The following SETD1B variants were observed in gnomAD, a reference collection of about 807,000 sequenced individuals.
The protein encoded by SETD1B is SET domain containing 1B, histone lysine methyltransferase, also known as histone-lysine N-methyltransferase SETD1B.
SETD1B carries 7 observed loss-of-function variants against 148.0 expected under a neutral mutation model. The observed-to-expected ratio is 0.05, with a 90% CI of 0.03 to 0.09. The LOEUF is 0.09. Ranked by LOEUF, SETD1B falls within the 10% of genes least tolerant of loss-of-function variation. The pLI is 1.00. For missense variants in SETD1B, 2,155 were observed against 2,729.9 expected (o/e 0.79, Z 4.69); for synonymous variants, 1,361 against 1,186.5 (o/e 1.15, Z -3.02).
the SETD1B span, chr12:121,794,282 C>T: frequency 1.3e-5 from 2 of 152,302 alleles, no homozygotes; most frequent in African/African-American, 4.8e-5. Context: ...GGGTGAGGGA[C>T]TGGGCTCCGC....
chr12:121,815,041 C>A, intron 7 of SETD1B, 111 bp downstream of exon 7: 1 of 1,011,404 alleles, frequency 9.9e-7, no homozygotes, highest in Non-Finnish European at 1.4e-6. Flanking sequence ...GCCGTGGACC[C>A]CACTATGGGA....
chr12:121,803,684 C>G (rs968006273), upstream of SETD1B: 1 of 152,154 alleles, frequency 6.6e-6, no homozygotes, highest in African/African-American at 2.4e-5. This position sits in a 1 kb window ranked among gnomAD's most constrained non-coding sequence, Gnocchi z 4.7. Context: ...AGGCCCGGGA[C>G]GCACGCCGCG....
chr12:121,796,774 G>A, the SETD1B span, among the ~76,000 whole-genome samples: 13 of 152,214 alleles, frequency 8.5e-5, no homozygotes, highest in Non-Finnish European at 2.9e-5. Context: ...AGGCGCGGTG[G>A]CTCATGCCTG....
At chr12:121,799,347 A>C (rs1875179893), upstream of SETD1B, 1 of 152,256 alleles carries the variant, frequency 6.6e-6, no homozygotes, top group Non-Finnish European at 1.5e-5. Context: ...AAGGTGGAGA[A>C]GCGTCAAGGA....
intron 5 of SETD1B, 40 bp from the exon 6 acceptor site, chr12:121,809,563 T>A: frequency 6.7e-7 from 1 of 1,500,884 alleles, no homozygotes. Context: ...TTCCATTGCA[T>A]GTTTTCCCCC....
At chr12:121,795,513 G>A in the SETD1B span, 2 of 152,308 alleles carry the variant, frequency 1.3e-5, no homozygotes, top group African/African-American at 2.4e-5. Context: ...GCTGGGCCAT[G>A]AGAGGGGAGG....
chr12:121,817,109 G>T lies in SETD1B; in HGVS notation c.2792G>T (p.Cys931Phe). The change falls in exon 8 of 17, where the codon TGC (cysteine) becomes TTC (phenylalanine). Residue 931 changes from cysteine (C) to phenylalanine (F), a missense_variant. Transcript: ENST00000604567. The surrounding 1 kb of genome is among the most constrained non-coding windows in gnomAD (Gnocchi z 8.1). ...RPKPKDRIAS[C>F]LLESWGKGEG... ...AAGCCCAAGGACCGCATCGCCTCGTGCCTGCTGGAGTCATGGGGCAAGGGC... is the reference window on the plus strand; with the variant it reads ...AAGCCCAAGGACCGCATCGCCTCGTTCCTGCTGGAGTCATGGGGCAAGGGC... 6.5e-7 allele frequency: 1 copy of T among 1,549,066 alleles called. No homozygotes were observed. Among genetic ancestry groups the T allele is most frequent in the Non-Finnish European group, 8.7e-7 (1 of 1,146,844 alleles).
intron 6 of SETD1B, among the ~76,000 whole-genome samples, chr12:121,813,221 T>TA (rs1270015843): frequency 7.2e-5 from 11 of 152,130 alleles, no homozygotes; most frequent in Non-Finnish European, 1.3e-4. Context: ...ATCTTTCGGA[T>TA]AAAAAATGAG....
chr12:121,823,980 A>C lies in SETD1B; in HGVS notation c.5170+231A>C, dbSNP rs1339827731. On this transcript the variant is annotated intron_variant, in intron 12 of 16. Transcript: ENST00000604567. ...TCTGCGCCAGGCCCATCTCACCCCC[A>C]GAGTTAGCAGGTCTCAGGGTCACAT... Among the ~76,000 whole-genome samples the C allele has an allele frequency of 2.6e-5, 4 of 152,310 alleles. No individual in the cohort carries two copies. In the East Asian group the frequency reaches 5.8e-4, roughly 22 times the overall value.
the SETD1B span, chr12:121,793,013 T>C: frequency 1.4e-6 from 1 of 711,284 alleles, no homozygotes. Flanking sequence ...CCAGCGCCCC[T>C]GAGCGGCCTC....
chr12:121,794,841 T>A, the SETD1B span, among the ~76,000 whole-genome samples: 174 of 152,220 alleles, frequency 1.1e-3, no homozygotes, highest in Non-Finnish European at 2.0e-3. Flanking sequence ...AGTGGGATCC[T>A]ACCAGCTGGG....
chr12:121,822,556 C>T lies in SETD1B; in HGVS notation c.3977C>T (p.Pro1326Leu), dbSNP rs374833102. Reference protein sequence around the residue: ...MLPLPLQPPLPPPRPPRPPSP... With the variant: ...MLPLPLQPPLLPPRPPRPPSP... ...CCCTTGCCGCTGCAACCACCATTGC[C>T]GCCCCCACGACCACCCCGGCCACCC... Residue 1326 changes from proline (P) to leucine (L), a missense_variant, in exon 12 of 17, where the codon CCG becomes CTG. By Grantham distance (98) the Pro-to-Leu change is moderately conservative. Transcript: ENST00000604567. 1.0e-5 allele frequency: 16 copies of T among 1,550,956 alleles called. No homozygotes were observed. The highest frequency in any genetic ancestry group is 2.4e-5 in the East Asian group (1 of 40,930).
At chr12:121,813,593 ATG>A (rs996938717) in intron 6 of SETD1B, among the ~76,000 whole-genome samples, 4 of 152,216 alleles carry the variant, frequency 2.6e-5, no homozygotes, top group Non-Finnish European at 5.9e-5. Flanking sequence ...GAGTTAATAA[ATG>A]TGGAGCGTTT....
rs969074891 is a variant in SETD1B at position 121,830,443 on chromosome 12, T to C, written c.*204T>C. On this transcript the variant is annotated 3_prime_UTR_variant, in exon 17 of 17. Transcript: ENST00000604567. This position sits in a 1 kb window ranked among gnomAD's most constrained non-coding sequence, Gnocchi z 5.7. Reference sequence around the variant, plus strand: ...TCCGCGGGAAAGGGCTTCTCTGTCGTTCAGCCCACGTCTCTCTCATTTTAA... The same window carrying C: ...TCCGCGGGAAAGGGCTTCTCTGTCGCTCAGCCCACGTCTCTCTCATTTTAA... 3.6e-4 allele frequency: 191 copies of C among 537,604 alleles called. No individual in the cohort carries two copies. The highest frequency in any genetic ancestry group is 5.6e-4 in the Non-Finnish European group (168 of 301,466). The allele number at this position is 537,604 out of a possible 1,614,324, so 33.3% of individuals were successfully genotyped here.
rs551371373 is a variant in SETD1B at position 121,830,287 on chromosome 12, C to T, written c.*48C>T. 1,592 of 1,515,992 alleles carry T rather than the reference C, an allele frequency of 1.1e-3. 1 individual carries two copies. Among genetic ancestry groups the T allele is most frequent in the Non-Finnish European group, 1.3e-3 (1,468 of 1,126,656 alleles). 93.9% of individuals were successfully genotyped at this position (1,515,992 alleles called of 1,614,324 possible). A position where few individuals can be genotyped will look rare whatever the true frequency, so the allele number is the denominator to read the frequency against. On this transcript the variant is annotated 3_prime_UTR_variant, in exon 17 of 17. Coordinates refer to ENST00000604567, the MANE Select transcript of SETD1B (RefSeq NM_001353345.2). The surrounding 1 kb of genome is among the most constrained non-coding windows in gnomAD (Gnocchi z 5.7). The stretch of plus-strand genomic sequence containing the variant: ...ATGTCAGCCGTAGCCCTGGGACTCC[C>T]GAGCGTGGAGCCCCTGGCCCCGGGG...
Position 121,830,459 on chromosome 12 carries a change from C to G in SETD1B, c.*220C>G. On this transcript the variant is annotated 3_prime_UTR_variant, in exon 17 of 17. Coordinates refer to ENST00000604567, the MANE Select transcript of SETD1B (RefSeq NM_001353345.2). This position sits in a 1 kb window ranked among gnomAD's most constrained non-coding sequence, Gnocchi z 5.7. ...TCTCTGTCGTTCAGCCCACGTCTCT[C>G]TCATTTTAACAAACGCCCCTTTCAG... 2.1e-6 allele frequency: 1 copy of G among 477,614 alleles called. No individual in the cohort carries two copies. The highest frequency in any genetic ancestry group is 3.7e-6 in the Non-Finnish European group (1 of 267,820). The allele number at this position is 477,614 out of a possible 1,614,324, so 29.6% of individuals were successfully genotyped here.
At chr12:121,806,372 AC>A (rs1875741555) in intron 4 of SETD1B, among the ~76,000 whole-genome samples, 1 of 151,572 alleles carries the variant, frequency 6.6e-6, no homozygotes, top group South Asian at 2.1e-4. Context: ...CACCGCTGAC[AC>A]CCCCGCGGGC....
intron 13 of SETD1B, 92 bp from the exon 14 acceptor site, chr12:121,827,427 A>G: frequency 7.0e-7 from 1 of 1,425,076 alleles, no homozygotes; most frequent in East Asian, 2.5e-5. Flanking sequence ...CAAGGAGCCC[A>G]GGACACTGGG....
In SETD1B at chr12:121,817,844, G is replaced by A. The variant is rs993861851; in HGVS notation, c.3358G>A (p.Asp1120Asn). ...DSDDRDESEN[D>N]DEDTALSEAS... Reference sequence around the variant, plus strand: ...TGATGACCGGGACGAGTCTGAGAACGATGACGAGGACACAGCCCTGTCAGA... The same window carrying A: ...TGATGACCGGGACGAGTCTGAGAACAATGACGAGGACACAGCCCTGTCAGA... Residue 1120 changes from aspartate to asparagine, a missense_variant, in exon 10 of 17, where the codon GAT (aspartate) becomes AAT (asparagine). Transcript: ENST00000604567. This position sits in a 1 kb window ranked among gnomAD's most constrained non-coding sequence, Gnocchi z 8.1. The A allele has an allele frequency of 5.2e-6, 8 of 1,551,110 alleles. No homozygotes were observed. Among genetic ancestry groups the A allele is most frequent in the African/African-American group, 1.4e-5 (1 of 73,054 alleles).
Sources: gnomAD v4.1 joint callset for allele counts (sites outside exome capture counted in the v4.1 genomes callset) on GRCh38, gnomAD v4.1.1 for gene constraint, Gnocchi (gnomAD v3.1) non-coding constraint, MANE v1.5 for transcripts, NCBI Gene and HGNC (gene_info 2026-07-23, HGNC 2026-07-21) for gene names.